Variants in NGEF observed in about 807,000 individuals in gnomAD.
NGEF encodes the protein ephexin-1.
In NGEF, 31 loss-of-function variants were observed where a neutral mutation model predicts 80.9. The ratio of observed to expected loss-of-function variants is 0.38; its 90% CI spans 0.29 to 0.52. The LOEUF (loss-of-function observed/expected upper bound fraction) is 0.52, where lower values mean the gene tolerates loss of function less well. Ranked by LOEUF, NGEF falls within the 20% of genes least tolerant of loss-of-function variation. The probability of loss-of-function intolerance (pLI) is 0.84; values close to 1 mark genes in which losing one functional copy is unlikely to be tolerated. For synonymous variants in NGEF, 371 were observed against 370.2 expected, an observed-to-expected ratio of 1.00 and a Z score of -0.03; for missense variants, 709 against 926.2, an observed-to-expected ratio of 0.77 and a Z score of 3.04.
rs146291779 is a variant in NGEF at position 232,888,996 on chromosome 2, C to G, written c.1273-889G>C. ...AAGTAGGCTGGGTGCATCTGGGCAC[C>G]AACCACCTGTCCTCCCGGCTGCTGG... On this transcript the variant is annotated intron_variant, in intron 8 of 14. Coordinates refer to ENST00000264051, the MANE Select transcript of NGEF (RefSeq NM_019850.3). Among the ~76,000 whole-genome samples, 967 of 152,270 alleles carry G rather than the reference C, an allele frequency of 6.4e-3. 10 individuals carry two copies. Among genetic ancestry groups the G allele is most frequent in the African/African-American group, 0.022 (932 of 41,548 alleles).
Position 232,883,891 on chromosome 2 carries a change from A to T in NGEF, c.1601+90T>A. 2.9e-6 allele frequency: 4 copies of T among 1,365,092 alleles called. No homozygotes were observed. The South Asian group carries it at 4.5e-5, about 15-fold the overall frequency. The allele number at this position is 1,365,092 out of a possible 1,614,324, so 84.6% of individuals were successfully genotyped here. On this transcript the variant is annotated intron_variant, in intron 11 of 14. Coordinates refer to ENST00000264051, the MANE Select transcript of NGEF (RefSeq NM_019850.3). ...ACCGAAGAGCCCAAGCTCTGTCCCGACACCCCCAACCCCCAGGCCACAATC... is the reference window on the plus strand; with the variant it reads ...ACCGAAGAGCCCAAGCTCTGTCCCGTCACCCCCAACCCCCAGGCCACAATC...
At chr2:232,928,022 C>T in intron 3 of NGEF, 1 of 790,812 alleles carries the variant, frequency 1.3e-6, no homozygotes, top group Non-Finnish European at 1.6e-6. Context: ...GGGGCGGGTG[C>T]GGGGGCCGGG....
At chr2:232,926,788 G>T (rs1693078482) in intron 4 of NGEF, among the ~76,000 whole-genome samples, 1 of 152,210 alleles carries the variant, frequency 6.6e-6, no homozygotes, top group African/African-American at 2.4e-5. Context: ...CACCAGACAA[G>T]AGCTGGGCAA....
At chr2:232,936,668 G>T (rs1693330580) in intron 3 of NGEF, among the ~76,000 whole-genome samples, 1 of 152,240 alleles carries the variant, frequency 6.6e-6, no homozygotes, top group African/African-American at 2.4e-5. Context: ...TGAGGGGAAG[G>T]TTAGCGCTAT....
intron 1 of NGEF, among the ~76,000 whole-genome samples, chr2:232,992,797 G>A (rs1319921151): frequency 6.6e-6 from 1 of 151,524 alleles, no homozygotes; most frequent in African/African-American, 2.4e-5. Flanking sequence ...GACTAGCCTG[G>A]GCAACATGGC....
chr2:232,953,673 C>T (rs1022675485), intron 3 of NGEF, among the ~76,000 whole-genome samples: 2 of 152,084 alleles, frequency 1.3e-5, no homozygotes, highest in Admixed American at 6.5e-5. Flanking sequence ...TTCTGGTGCT[C>T]CAGGATGTAT....
At chr2:232,908,157 G>T (rs1347205737) in intron 5 of NGEF, among the ~76,000 whole-genome samples, 2 of 152,146 alleles carry the variant, frequency 1.3e-5, no homozygotes, top group East Asian at 3.8e-4. Context: ...TCTTTAAACA[G>T]CTGTATATTG....
intron 1 of NGEF, among the ~76,000 whole-genome samples, chr2:232,988,515 T>C (rs889039209): frequency 1.3e-5 from 2 of 152,232 alleles, no homozygotes; most frequent in Non-Finnish European, 2.9e-5. Context: ...CCGCCATCCC[T>C]GCTGGTGGGA....
rs376163618 is a variant in NGEF, at chr2:232,974,598, C to T, written c.268+25G>A. 50 of 1,608,798 alleles carry T rather than the reference C, an allele frequency of 3.1e-5. 1 individual carries two copies. Among genetic ancestry groups the T allele is most frequent in the African/African-American group, 2.3e-4 (17 of 74,566 alleles). On this transcript the variant is annotated intron_variant, in intron 2 of 14. Coordinates refer to ENST00000264051, the MANE Select transcript of NGEF (RefSeq NM_019850.3). ...CTCCAGTTGGATGTAAGGGAACAGC[C>T]GTGACAGCTGTCCCTGATACTGACC...
chr2:232,949,082 G>A (rs1187293613), intron 3 of NGEF, among the ~76,000 whole-genome samples: 4 of 152,056 alleles, frequency 2.6e-5, no homozygotes, highest in Non-Finnish European at 5.9e-5. Flanking sequence ...TCAGATGTTC[G>A]GCATGAAATG....
At chr2:232,944,118 C>A (rs1452080003) in intron 3 of NGEF, among the ~76,000 whole-genome samples, 2 of 151,888 alleles carry the variant, frequency 1.3e-5, no homozygotes, top group African/African-American at 4.8e-5. Flanking sequence ...CCTGTAATCC[C>A]AGCTACTTGG....
At chr2:232,895,031 T>C (rs929490431) in intron 5 of NGEF, 115 bp from the exon 6 acceptor site, 1 of 1,225,372 alleles carries the variant, frequency 8.2e-7, no homozygotes, top group Non-Finnish European at 1.1e-6. Flanking sequence ...AAGGGAAAAA[T>C]CGCCTGCTCC....
At chr2:232,959,847 G>A (rs1693908448) in intron 3 of NGEF, among the ~76,000 whole-genome samples, 1 of 152,202 alleles carries the variant, frequency 6.6e-6, no homozygotes, top group African/African-American at 2.4e-5. Context: ...CCAAAGTGCT[G>A]GGATTACAGG....
intron 5 of NGEF, among the ~76,000 whole-genome samples, chr2:232,896,744 A>G (rs1351492066): frequency 6.4e-4 from 12 of 18,712 alleles, no homozygotes; most frequent in Admixed American, 1.4e-3. Flanking sequence ...GTGAGGGTGA[A>G]GGTAGGGGTG....
intron 3 of NGEF, among the ~76,000 whole-genome samples, chr2:232,939,674 TGTTGA>T (rs1444852594): frequency 6.6e-6 from 1 of 152,182 alleles, no homozygotes; most frequent in African/African-American, 2.4e-5. Context: ...GAATGTTCTT[TGTTGA>T]GTTACCAGTA....
At chr2:232,908,743 GTT>G (rs1275654426) in intron 5 of NGEF, among the ~76,000 whole-genome samples, 1 of 150,526 alleles carries the variant, frequency 6.6e-6, no homozygotes, top group Non-Finnish European at 1.5e-5. Context: ...TGTTTTTTTG[GTT>G]TTTTGTTTTT....
intron 14 of NGEF, 27 bp from the exon 15 acceptor site, chr2:232,879,706 G>A: frequency 6.3e-7 from 1 of 1,598,290 alleles, no homozygotes; most frequent in South Asian, 1.1e-5. Flanking sequence ...GGGAGAGAAG[G>A]TCAGTGCTCC....
chr2:232,966,685 A>G (rs891026811), intron 3 of NGEF, among the ~76,000 whole-genome samples: 2 of 152,098 alleles, frequency 1.3e-5, no homozygotes, highest in African/African-American at 4.8e-5. Context: ...ATGCAGAAAT[A>G]TTTGTGTTAA....
intron 1 of NGEF, among the ~76,000 whole-genome samples, chr2:232,982,458 T>C (rs1694452259): frequency 6.6e-6 from 1 of 152,178 alleles, no homozygotes; most frequent in South Asian, 2.1e-4. Context: ...TCCACATTCC[T>C]TCCTGGTCCT....
Sources: gnomAD v4.1 joint callset for allele counts (sites outside exome capture counted in the v4.1 genomes callset) on GRCh38, gnomAD v4.1.1 for gene constraint, MANE v1.5 for transcripts, NCBI Gene and HGNC (gene_info 2026-07-23, HGNC 2026-07-21) for gene names.